The following DLG2 variants were observed in gnomAD, a reference collection of about 807,000 sequenced individuals.
DLG2 encodes disks large homolog 2.
DLG2 carries 45 observed loss-of-function variants against 132.5 expected under a neutral mutation model. The ratio of observed to expected loss-of-function variants is 0.34; its 90% confidence interval spans 0.27 to 0.44. The LOEUF is 0.44. Ranked by LOEUF, DLG2 falls within the 20% of genes least tolerant of loss-of-function variation. The probability of loss-of-function intolerance (pLI) is 1.00; values close to 1 mark genes in which losing one functional copy is unlikely to be tolerated. For synonymous variants in DLG2, 424 were observed against 419.6 expected, an observed-to-expected ratio of 1.01 and a Z score of -0.13; for missense variants, 1,045 against 1,196.9, an observed-to-expected ratio of 0.87 and a Z score of 1.87.
At chr11:84,903,827 A>C (rs1017316941) in intron 6 of DLG2, among the ~76,000 whole-genome samples, 1 of 152,162 alleles carries the variant, frequency 6.6e-6, no homozygotes, top group Non-Finnish European at 1.5e-5. Flanking sequence ...AATAATGATT[A>C]AAGGCAAGTT....
At chr11:84,863,828 G>T (rs1434332394) in intron 6 of DLG2, among the ~76,000 whole-genome samples, 1 of 152,160 alleles carries the variant, frequency 6.6e-6, no homozygotes, top group East Asian at 1.9e-4. Flanking sequence ...TAGGAATAAA[G>T]CCCAGCTGGG....
At chr11:83,959,059 G>C (rs550137486) in intron 14 of DLG2, among the ~76,000 whole-genome samples, 1 of 152,202 alleles carries the variant, frequency 6.6e-6, no homozygotes, top group Non-Finnish European at 1.5e-5. Flanking sequence ...TTGAAAATCA[G>C]ATATCTACAT....
At chr11:83,515,135 C>A (rs1012043089) in intron 21 of DLG2, among the ~76,000 whole-genome samples, 4 of 152,104 alleles carry the variant, frequency 2.6e-5, no homozygotes, top group Non-Finnish European at 5.9e-5. Flanking sequence ...TGGTAGAATT[C>A]GGCTGTGAAT....
At chr11:85,370,978 G>T (rs564831664) in intron 3 of DLG2, among the ~76,000 whole-genome samples, 12 of 152,278 alleles carry the variant, frequency 7.9e-5, no homozygotes, top group African/African-American at 2.9e-4. Context: ...TTAAGTTATT[G>T]TAAGCCATGG....
intron 8 of DLG2, among the ~76,000 whole-genome samples, chr11:84,223,210 T>C (rs575587210): frequency 3.9e-5 from 6 of 152,174 alleles, no homozygotes; most frequent in African/African-American, 1.2e-4. Flanking sequence ...GGACTTACTG[T>C]CCAGTAGTGA....
chr11:83,869,313 A>G (rs1565419965), intron 16 of DLG2, among the ~76,000 whole-genome samples: 2 of 152,148 alleles, frequency 1.3e-5, no homozygotes, highest in South Asian at 4.1e-4. Context: ...TTAAAAAAAA[A>G]GCTTTTCCCA....
Position 83,619,122 on chromosome 11 carries a change from TA to T in DLG2, c.1940+14088del, listed in dbSNP as rs540887342. Among the ~76,000 whole-genome samples, 447 of 152,322 alleles carry T rather than the reference TA, an allele frequency of 2.9e-3. 3 individuals carry two copies. Among genetic ancestry groups the T allele is most frequent in the Non-Finnish European group, 5.4e-3 (366 of 68,008 alleles). ...TCCTGCAATCGTCTTATCCTCTGTG[TA>T]GCATCCTGTAGCAGGAAACCTCATG... is the stretch of plus-strand genomic sequence containing the variant. On this transcript the variant is annotated intron_variant, in intron 19 of 27. Coordinates refer to ENST00000376104, the MANE Select transcript of DLG2 (RefSeq NM_001142699.3).
At chr11:84,597,534 C>T (rs2099565298) in intron 6 of DLG2, among the ~76,000 whole-genome samples, 1 of 152,254 alleles carries the variant, frequency 6.6e-6, no homozygotes, top group South Asian at 2.1e-4. Context: ...AAGATGAAAG[C>T]ATACATATAT....
chr11:84,271,949 C>CAAAAAAAAAAAAAAA (rs71036417), intron 7 of DLG2, among the ~76,000 whole-genome samples: 3 of 77,764 alleles, frequency 3.9e-5, no homozygotes, highest in South Asian at 4.6e-4. Flanking sequence ...TTGATAATAA[C>CAAAAAAAAAAAAAAA]AAAAAAAAAA....
intron 6 of DLG2, among the ~76,000 whole-genome samples, chr11:84,670,510 C>G (rs1292484606): frequency 6.6e-6 from 1 of 152,128 alleles, no homozygotes; most frequent in Non-Finnish European, 1.5e-5. Flanking sequence ...GGCTACAGAA[C>G]ACACAAGTGG....
At chr11:83,479,528 C>T (rs1591535651) in intron 22 of DLG2, among the ~76,000 whole-genome samples, 1 of 152,206 alleles carries the variant, frequency 6.6e-6, no homozygotes. Context: ...ATAAATTAAT[C>T]TCATAGAAAT....
intron 9 of DLG2, among the ~76,000 whole-genome samples, chr11:84,102,215 A>C (rs1188893411): frequency 6.6e-6 from 1 of 152,090 alleles, no homozygotes; most frequent in Non-Finnish European, 1.5e-5. Flanking sequence ...TACATTATGC[A>C]TTGTGTTATT....
At chr11:84,944,949 T>C (rs544381527) in intron 6 of DLG2, among the ~76,000 whole-genome samples, 1 of 152,352 alleles carries the variant, frequency 6.6e-6, no homozygotes, top group African/African-American at 2.4e-5. Context: ...TGTGTTCTTT[T>C]GAGTTTCACT....
chr11:85,422,648 A>G (rs1356799157), intron 3 of DLG2, among the ~76,000 whole-genome samples: 1 of 151,948 alleles, frequency 6.6e-6, no homozygotes, highest in Non-Finnish European at 1.5e-5. Flanking sequence ...GTGCCACCAC[A>G]TCTGGCTGAT....
chr11:83,790,667 CG>C, intron 17 of DLG2: 1 of 950,130 alleles, frequency 1.1e-6, no homozygotes, highest in Admixed American at 1.7e-5. Context: ...GGACATGATG[CG>C]GACCCACTCT....
chr11:85,423,337 G>A (rs1395342851), intron 3 of DLG2, among the ~76,000 whole-genome samples: 2 of 152,218 alleles, frequency 1.3e-5, no homozygotes, highest in South Asian at 2.1e-4. Flanking sequence ...GAGGTGGCAG[G>A]TGGATGTACT....
rs149338284 is a variant in DLG2 at position 85,403,361 on chromosome 11, G to C, written c.41-117996C>G. ...TGTCAGTTGGTGGGGGCTGGGGGAG[G>C]GATAGCATTAGGAGAAATACCTAAT... On this transcript the variant is annotated intron_variant, in intron 3 of 27. Transcript: ENST00000376104. 4.8e-3 allele frequency among the ~76,000 whole-genome samples: 724 copies of C among 152,046 alleles called. 3 individuals carry two copies. Among genetic ancestry groups the C allele is most frequent in the African/African-American group, 0.016 (658 of 41,488 alleles).
intron 6 of DLG2, among the ~76,000 whole-genome samples, chr11:84,850,662 A>G (rs2082065343): frequency 6.6e-6 from 1 of 152,152 alleles, no homozygotes; most frequent in South Asian, 2.1e-4. Context: ...TAAAGAATCC[A>G]CAAAAAGCTA....
intron 3 of DLG2, among the ~76,000 whole-genome samples, chr11:85,507,681 T>G (rs1323183402): frequency 6.6e-6 from 1 of 152,186 alleles, no homozygotes; most frequent in Non-Finnish European, 1.5e-5. Context: ...GACAATTATG[T>G]GTCTTGGAGT....
Sources: allele counts gnomAD v4.1 joint callset (sites outside exome capture counted in the v4.1 genomes callset), GRCh38; gene constraint gnomAD v4.1.1; transcripts MANE v1.5; gene names NCBI Gene and HGNC (gene_info 2026-07-23, HGNC 2026-07-21).